The following MACF1 variants were observed in gnomAD, a reference collection of about 807,000 sequenced individuals.
MACF1 encodes microtubule actin crosslinking factor 1.
Under a neutral mutation model 854.8 loss-of-function variants are expected in MACF1, and 193 were observed. The ratio of observed to expected loss-of-function variants is 0.23; its 90% confidence interval spans 0.20 to 0.25. MACF1 has a LOEUF of 0.25. Ranked by LOEUF, MACF1 falls within the 10% of genes least tolerant of loss-of-function variation. The probability of loss-of-function intolerance (pLI) is 1.00; values close to 1 mark genes in which losing one functional copy is unlikely to be tolerated. For missense variants in MACF1, 7,722 were observed against 8,929.1 expected, an observed-to-expected ratio of 0.86 and a Z score of 5.45; for synonymous variants, 3,185 against 3,226.7, an observed-to-expected ratio of 0.99 and a Z score of 0.44.
In MACF1 at chr1:39,340,720, A is replaced by G; in HGVS notation, c.10431+3A>G. The stretch of plus-strand genomic sequence containing the variant: ...AGAATGCTGTGGAAATAGAAAAGGT[A>G]GCATTTTGCTTTTATTCATAAAGGC... On this transcript the variant is annotated splice_donor_region_variant and intron_variant, in intron 39 of 100. Coordinates refer to ENST00000564288, the MANE Select transcript of MACF1 (RefSeq NM_001394062.1). 1.2e-6 allele frequency: 2 copies of G among 1,613,806 alleles called. No individual in the cohort carries two copies. The highest frequency in any genetic ancestry group is 1.7e-6 in the Non-Finnish European group (2 of 1,179,852).
At chr1:39,143,458 G>A (rs1028089143) in intron 2 of MACF1, among the ~76,000 whole-genome samples, 4 of 152,196 alleles carry the variant, frequency 2.6e-5, no homozygotes, top group African/African-American at 9.6e-5. Context: ...TAGAGAATGA[G>A]CAAGTGGCTT....
chr1:39,282,335 G>A lies in MACF1; in HGVS notation c.656G>A (p.Ser219Asn). The A allele has an allele frequency of 6.2e-7, 1 of 1,614,088 alleles. No homozygotes were observed. The highest frequency in any genetic ancestry group is 1.3e-5 in the African/African-American group (1 of 75,032). ...TGCACCAACTTTTCCTCCTGCTGGAGTGATGGGAAGATGTTCAATGCACTC... is the reference window on the plus strand; with the variant it reads ...TGCACCAACTTTTCCTCCTGCTGGAATGATGGGAAGATGTTCAATGCACTC... ...IKCTNFSSCWSDGKMFNALIH... is the reference protein window; with the variant it reads ...IKCTNFSSCWNDGKMFNALIH... Residue 219 changes from serine (S) to asparagine (N), a missense_variant, in exon 7 of 101, where the codon AGT becomes AAT. By Grantham distance (46) the Ser-to-Asn change is conservative. Coordinates refer to ENST00000564288, the MANE Select transcript of MACF1 (RefSeq NM_001394062.1).
intron 2 of MACF1, among the ~76,000 whole-genome samples, chr1:39,188,618 A>G (rs770325636): frequency 1.5e-4 from 23 of 152,022 alleles, no homozygotes; most frequent in African/African-American, 2.9e-4. Flanking sequence ...TTCATTGTCA[A>G]AGTTTATTGA....
chr1:39,208,132 CA>C (rs1192716249), intron 1 of MACF1, among the ~76,000 whole-genome samples: 72 of 80,526 alleles, frequency 8.9e-4, no homozygotes, highest in Admixed American at 1.0e-3. Flanking sequence ...GAGTCCGTCT[CA>C]AAAAAAAAAA....
chr1:39,301,448 C>T (rs1355857136), intron 22 of MACF1, among the ~76,000 whole-genome samples: 2 of 138,856 alleles, frequency 1.4e-5, no homozygotes, highest in East Asian at 2.2e-4. Context: ...TTTTTTGAGA[C>T]GGAGTCTCGC....
At position 39,333,963 on chromosome 1, in the gene MACF1, T is replaced by C; in HGVS notation, c.7375T>C (p.Leu2459=). The change falls in exon 37 of 101, where the codon TTA becomes CTA. Residue 2459 remains leucine (L), a synonymous_variant. Transcript: ENST00000564288. ...TGCTGAAAAAACAGTTAGGGAGAGA[T>C]TAATTAGTTTACAAATGGAAACAAC... is the stretch of plus-strand genomic sequence containing the variant. ...RDAEKTVRER[L]ISLQMETTGL... The C allele has an allele frequency of 6.2e-7, 1 of 1,614,090 alleles. No homozygotes were observed. The highest frequency in any genetic ancestry group is 2.2e-5 in the East Asian group (1 of 44,874).
intron 52 of MACF1, among the ~76,000 whole-genome samples, chr1:39,374,240 T>TAAA (rs901564874): frequency 2.6e-5 from 4 of 151,548 alleles, no homozygotes; most frequent in Admixed American, 2.6e-4. Context: ...AGACTCTGTC[T>TAAA]AAAAAAAAAT....
In MACF1 at chr1:39,460,793, C is replaced by A; in HGVS notation, c.21522C>A (p.Ser7174=). Residue 7174 remains serine, a splice_region_variant and synonymous_variant, in exon 92 of 101, where the codon TCC becomes TCA. Transcript: ENST00000564288. This position sits in a 1 kb window ranked among gnomAD's most constrained non-coding sequence, Gnocchi z 4.1. ...AGTTTATCGATGGCATTTTAGCATC[C>A]AGTGAGTCTAGTCATCATTCCAAAC... ...RQEFIDGILA[S]KFPTTKLEMT... The A allele has an allele frequency of 1.2e-6, 2 of 1,614,096 alleles. No homozygotes were observed. The highest frequency in any genetic ancestry group is 1.7e-6 in the Non-Finnish European group (2 of 1,179,976).
chr1:39,097,906 T>C (rs970944130), intron 2 of MACF1, among the ~76,000 whole-genome samples: 2 of 152,138 alleles, frequency 1.3e-5, no homozygotes, highest in African/African-American at 4.8e-5. Flanking sequence ...TGCCTGTTAG[T>C]GCCCCTTTAG....
chr1:39,270,589 T>A (rs928478606), intron 6 of MACF1, among the ~76,000 whole-genome samples: 2 of 152,148 alleles, frequency 1.3e-5, no homozygotes, highest in Non-Finnish European at 2.9e-5. Context: ...ATCTGGCATG[T>A]AGGTGTGTGA....
intron 41 of MACF1, among the ~76,000 whole-genome samples, chr1:39,349,144 C>T (rs1044469212): frequency 6.6e-6 from 1 of 152,146 alleles, no homozygotes. Flanking sequence ...ATTATCATCA[C>T]CATTATCATG....
intron 2 of MACF1, among the ~76,000 whole-genome samples, chr1:39,127,941 T>C (rs1642902129): frequency 6.6e-6 from 1 of 152,164 alleles, no homozygotes; most frequent in South Asian, 2.1e-4. Context: ...AAATTAAACA[T>C]GTTCACTGTA....
chr1:39,433,219 A>C (rs1643903778), intron 68 of MACF1, 64 bp downstream of exon 68: 1 of 1,003,180 alleles, frequency 1.0e-6, no homozygotes, highest in South Asian at 1.5e-5. Context: ...TAGAAGCACA[A>C]TTGTGAAATG....
intron 49 of MACF1, among the ~76,000 whole-genome samples, chr1:39,367,044 T>A (rs1648781261): frequency 6.7e-6 from 1 of 148,184 alleles, no homozygotes; most frequent in African/African-American, 2.5e-5. Context: ...TCCTCGCAAA[T>A]TCAAGTGATT....
At chr1:39,366,696 C>CT (rs10718160) in intron 49 of MACF1, among the ~76,000 whole-genome samples, 1,777 of 133,732 alleles carry the variant, frequency 0.013, 21 homozygotes, top group South Asian at 0.034. Flanking sequence ...TACAAATATA[C>CT]TTTTTTTTTT....
At chr1:39,128,851 A>G (rs1453346859) in intron 2 of MACF1, among the ~76,000 whole-genome samples, 2 of 152,204 alleles carry the variant, frequency 1.3e-5, no homozygotes, top group Non-Finnish European at 2.9e-5. Context: ...ATTCTGCTTC[A>G]TAACTCATAG....
intron 14 of MACF1, among the ~76,000 whole-genome samples, chr1:39,286,365 C>G (rs1405071270): frequency 6.6e-6 from 1 of 152,052 alleles, no homozygotes; most frequent in African/African-American, 2.4e-5. Context: ...AACACAACTT[C>G]TGATTTAGAA....
chr1:39,369,879 GT>G, intron 50 of MACF1, 150 bp from the exon 51 acceptor site: 1 of 664,378 alleles, frequency 1.5e-6, no homozygotes, highest in Non-Finnish European at 2.5e-6. Flanking sequence ...GTTATATGCG[GT>G]TGTTCAGCCA....
chr1:39,317,449 G>T, intron 29 of MACF1, 42 bp downstream of exon 29: 1 of 1,586,596 alleles, frequency 6.3e-7, no homozygotes, highest in Non-Finnish European at 8.6e-7. Flanking sequence ...AGAGTTCAGG[G>T]ACTAGGTCTT....
Sources: gnomAD v4.1 joint callset for allele counts (sites outside exome capture counted in the v4.1 genomes callset) on GRCh38, gnomAD v4.1.1 for gene constraint, Gnocchi (gnomAD v3.1) non-coding constraint, MANE v1.5 for transcripts, NCBI Gene and HGNC (gene_info 2026-07-23, HGNC 2026-07-21) for gene names.